The following FGF13 variants were observed in gnomAD, a reference collection of about 807,000 sequenced individuals.
FGF13 encodes fibroblast growth factor homologous factor 2.
A neutral mutation model predicts 19.5 loss-of-function variants in FGF13; 2 were observed. That is an observed-to-expected ratio of 0.10 (90% CI 0.04 to 0.32). The LOEUF is 0.32. Among genes scored for constraint, FGF13 ranks in the 10% least tolerant of loss-of-function variants. The pLI is 1.00. For synonymous variants in FGF13, 72 were observed against 76.9 expected, an observed-to-expected ratio of 0.94 and a Z score of 0.33; for missense variants, 113 against 192.7, an observed-to-expected ratio of 0.59 and a Z score of 2.45.
chrX:138,623,135 A>G lies in FGF13; in HGVS notation c.*9715T>C, dbSNP rs1168520511. On this transcript the variant is annotated 3_prime_UTR_variant, in exon 5 of 5. Coordinates refer to ENST00000315930, the MANE Select transcript of FGF13 (RefSeq NM_004114.5). ...TTATCAACATTGGTGAATTCTACCC[A>G]AGTGAAATTGGTGAAATCCCACTTG... 1.8e-5 allele frequency: 2 copies of G among 111,298 alleles called. No individual in the cohort carries two copies. Among genetic ancestry groups the G allele is most frequent in the Admixed American group, 9.6e-5 (1 of 10,441 alleles). 9.2% of individuals were successfully genotyped at this position (111,298 alleles called of 1,213,427 possible).
chrX:139,106,212 G>C (rs1402756087), intron 1 of FGF13, among the ~76,000 whole-genome samples: 2 of 112,033 alleles, frequency 1.8e-5, no homozygotes, highest in African/African-American at 6.5e-5. Context: ...TCCACACACA[G>C]AGGCGCCCTT....
intron 1 of FGF13, among the ~76,000 whole-genome samples, chrX:139,136,160 A>C (rs1211802789): frequency 9.0e-6 from 1 of 111,552 alleles, no homozygotes; most frequent in African/African-American, 3.3e-5. Flanking sequence ...ATATGCTTAC[A>C]TGTTGGGCTT....
chrX:138,983,495 G>A (rs2091973098), intron 1 of FGF13, among the ~76,000 whole-genome samples: 1 of 103,281 alleles, frequency 9.7e-6, no homozygotes, highest in African/African-American at 3.5e-5. Context: ...ATACCTGTTA[G>A]GATGGCTACT....
intron 3 of FGF13, among the ~76,000 whole-genome samples, chrX:138,795,014 G>A (rs1242915868): frequency 8.9e-6 from 1 of 112,117 alleles, no homozygotes; most frequent in African/African-American, 3.2e-5. Flanking sequence ...TATTCATTCT[G>A]TTGGGAGTTC....
intron 3 of FGF13, among the ~76,000 whole-genome samples, chrX:138,782,424 A>T (rs1265112227): frequency 1.8e-5 from 2 of 110,974 alleles, no homozygotes; most frequent in Non-Finnish European, 3.8e-5. Context: ...CCATTGTCTC[A>T]GCCCAAAATC....
chrX:138,929,854 C>CTCTGTG (rs2091692549), intron 1 of FGF13, among the ~76,000 whole-genome samples: 1 of 96,275 alleles, frequency 1.0e-5, no homozygotes, highest in Non-Finnish European at 2.1e-5. Flanking sequence ...ACTGCCTTAG[C>CTCTGTG]TGTGTGTGTG....
intron 1 of FGF13, among the ~76,000 whole-genome samples, chrX:139,098,435 A>C (rs1394133307): frequency 2.7e-5 from 3 of 111,699 alleles, no homozygotes; most frequent in Non-Finnish European, 5.6e-5. Context: ...TATTTCTCAC[A>C]GCACTATTCA....
chrX:138,704,234 C>T (rs1292307402), intron 2 of FGF13, among the ~76,000 whole-genome samples: 5 of 111,612 alleles, frequency 4.5e-5, no homozygotes, highest in African/African-American at 9.8e-5. Flanking sequence ...GATCTGACTG[C>T]GTGAAACTTA....
At chrX:139,074,710 G>A (rs1318983939) in intron 1 of FGF13, among the ~76,000 whole-genome samples, 2 of 112,006 alleles carry the variant, frequency 1.8e-5, no homozygotes, top group Non-Finnish European at 3.8e-5. Flanking sequence ...CTTTACCATG[G>A]ACAGGTAGAC....
chrX:139,092,617 A>G (rs2083446089), intron 1 of FGF13, among the ~76,000 whole-genome samples: 1 of 111,956 alleles, frequency 8.9e-6, no homozygotes, highest in Non-Finnish European at 1.9e-5. Flanking sequence ...GATCGGCGCT[A>G]CTTGGCAATT....
intron 3 of FGF13, among the ~76,000 whole-genome samples, chrX:138,776,723 G>C (rs1169538592): frequency 9.0e-6 from 1 of 111,669 alleles, no homozygotes; most frequent in Non-Finnish European, 1.9e-5. Context: ...TCTGTCCTTT[G>C]CTAATACTTA....
upstream of FGF13, among the ~76,000 whole-genome samples, chrX:138,715,614 C>T (rs2090094176): frequency 8.9e-6 from 1 of 111,964 alleles, no homozygotes; most frequent in Non-Finnish European, 1.9e-5. Flanking sequence ...TCCTTAAAGT[C>T]CTTTTGGCTC....
chrX:138,786,696 AGGCAACAGAAACTTTTT>A (rs1221356832), intron 3 of FGF13, among the ~76,000 whole-genome samples: 3 of 111,757 alleles, frequency 2.7e-5, no homozygotes, highest in Admixed American at 1.9e-4. Flanking sequence ...ACCCAAGGAA[AGGCAACAGAAACTTTTT>A]GGCCTCTCGA....
intron 1 of FGF13, among the ~76,000 whole-genome samples, chrX:139,182,445 A>G (rs1344680021): frequency 1.8e-5 from 2 of 112,393 alleles, no homozygotes; most frequent in Non-Finnish European, 3.8e-5. Context: ...GAAGTGTCAT[A>G]AGGTGGCTTC....
chrX:138,729,400 C>A (rs1365325932), intron 1 of FGF13, among the ~76,000 whole-genome samples: 1 of 110,779 alleles, frequency 9.0e-6, no homozygotes, highest in Non-Finnish European at 1.9e-5. Context: ...AAGAGCTAAT[C>A]AGTTGACTGA....
At chrX:139,165,470 G>C (rs990936672) in intron 1 of FGF13, among the ~76,000 whole-genome samples, 5 of 111,720 alleles carry the variant, frequency 4.5e-5, no homozygotes, top group South Asian at 3.8e-4. Flanking sequence ...GGCTAGAAGG[G>C]AGCCAGGTGC....
intron 3 of FGF13, among the ~76,000 whole-genome samples, chrX:138,693,237 G>T (rs893699792): frequency 3.6e-5 from 4 of 111,367 alleles, no homozygotes; most frequent in Non-Finnish European, 7.6e-5. Context: ...ATGTTTTTTG[G>T]CCTTGAAAAT....
intron 3 of FGF13, among the ~76,000 whole-genome samples, chrX:138,818,410 T>C (rs1188908583): frequency 4.6e-5 from 5 of 108,630 alleles, no homozygotes; most frequent in Non-Finnish European, 9.5e-5. Flanking sequence ...CAAATCTATC[T>C]CCTTCAATTG....
At chrX:139,136,162 G>A (rs920848042) in intron 1 of FGF13, among the ~76,000 whole-genome samples, 1 of 111,529 alleles carries the variant, frequency 9.0e-6, no homozygotes, top group Admixed American at 9.6e-5. Flanking sequence ...ATGCTTACAT[G>A]TTGGGCTTTC....
Sources: gnomAD v4.1 joint callset for allele counts (sites outside exome capture counted in the v4.1 genomes callset) on GRCh38, gnomAD v4.1.1 for gene constraint, MANE v1.5 for transcripts, NCBI Gene and HGNC (gene_info 2026-07-23, HGNC 2026-07-21) for gene names.